The following TRIM2 variants were observed in gnomAD, a reference collection of about 807,000 sequenced individuals.
The protein encoded by TRIM2 is tripartite motif-containing protein 2.
Under a neutral mutation model 75.2 loss-of-function variants are expected in TRIM2, and 20 were observed. The observed-to-expected ratio is 0.27, with a 90% CI of 0.19 to 0.39. The LOEUF (loss-of-function observed/expected upper bound fraction) is 0.39. Ranked by LOEUF, TRIM2 falls within the 10% of genes least tolerant of loss-of-function variation. The probability of loss-of-function intolerance (pLI) is 1.00; values close to 1 mark genes in which losing one functional copy is unlikely to be tolerated. For missense variants in TRIM2, 660 were observed against 990.8 expected (o/e 0.67, Z 4.48); for synonymous variants, 373 against 388.3 (o/e 0.96, Z 0.46).
chr4:153,158,666 C>G (rs781176156), intron 1 of TRIM2, among the ~76,000 whole-genome samples: 4 of 152,194 alleles, frequency 2.6e-5, no homozygotes, highest in Non-Finnish European at 5.9e-5. Flanking sequence ...GAGTGCTAGA[C>G]TGGCTAATCA....
chr4:153,308,884 A>G (rs1765618628), intron 6 of TRIM2, among the ~76,000 whole-genome samples: 1 of 152,028 alleles, frequency 6.6e-6, no homozygotes, highest in South Asian at 2.1e-4. Flanking sequence ...TTTCCTCCCT[A>G]AAATATATGA....
At chr4:153,288,306 G>A (rs545995908) in intron 3 of TRIM2, among the ~76,000 whole-genome samples, 34 of 151,964 alleles carry the variant, frequency 2.2e-4, no homozygotes, top group African/African-American at 6.8e-4. Context: ...GGATGGTGGC[G>A]CGCACCTGTA....
At chr4:153,333,529 C>CCTTTCT (rs1771959992) in intron 11 of TRIM2, among the ~76,000 whole-genome samples, 1 of 152,124 alleles carries the variant, frequency 6.6e-6, no homozygotes, top group Admixed American at 6.5e-5. Flanking sequence ...GTACACAGGA[C>CCTTTCT]CTTTCTCTAC....
At position 153,312,319 on chromosome 4, in the gene TRIM2, G is replaced by A. The variant is rs1236259345; in HGVS notation, c.1511-3166G>A. Among the ~76,000 whole-genome samples, 4 of 151,942 alleles carry A rather than the reference G, an allele frequency of 2.6e-5. 1 individual carries two copies. Among genetic ancestry groups the A allele is most frequent in the African/African-American group, 9.7e-5 (4 of 41,276 alleles). On this transcript the variant is annotated intron_variant, in intron 6 of 11. Coordinates refer to ENST00000338700, the MANE Select transcript of TRIM2 (RefSeq NM_015271.5). ...TTTCTTAATCCAGTCTATCATTGTT[G>A]GACATTTGGGTTGGTTCCAATTCTT... is the stretch of plus-strand genomic sequence containing the variant.
At chr4:153,152,866 A>T (rs941622994), upstream of TRIM2, among the ~76,000 whole-genome samples, 1 of 152,186 alleles carries the variant, frequency 6.6e-6, no homozygotes, top group Admixed American at 6.5e-5. Context: ...TGGGAAAAGG[A>T]TCCGATTTCT....
rs369975671 is a variant in TRIM2, at chr4:153,244,190, T to C, written c.31-26145T>C. Among the ~76,000 whole-genome samples, 9 of 147,994 alleles carry C rather than the reference T, an allele frequency of 6.1e-5. No homozygotes were observed. In the South Asian group the frequency reaches 1.1e-3, roughly 18 times the overall value. ...CTTCTTCTTCTTCTTCTCCTCCTTCTTCTTCTCCTCCTTTTCCTTCTCCTT... is the reference window on the plus strand; with the variant it reads ...CTTCTTCTTCTTCTTCTCCTCCTTCCTCTTCTCCTCCTTTTCCTTCTCCTT... On this transcript the variant is annotated intron_variant, in intron 1 of 11. Coordinates refer to ENST00000338700, the MANE Select transcript of TRIM2 (RefSeq NM_015271.5).
intron 6 of TRIM2, among the ~76,000 whole-genome samples, chr4:153,307,633 T>C (rs1482453720): frequency 1.3e-5 from 2 of 151,850 alleles, no homozygotes; most frequent in Non-Finnish European, 2.9e-5. Flanking sequence ...TAAAATGAGG[T>C]TGGGGGCAAT....
chr4:153,203,394 TACACACACACACACACAC>T (rs35049904), upstream of TRIM2, among the ~76,000 whole-genome samples: 2 of 141,292 alleles, frequency 1.4e-5, no homozygotes, highest in African/African-American at 5.2e-5. Flanking sequence ...CCCACATCTC[TACACACACACACACACAC>T]ACACACACAC....
chr4:153,303,301 TA>T lies in TRIM2; in HGVS notation c.1510+7277del, dbSNP rs879307633. Reference sequence around the variant, plus strand: ...CAACATGGTGAAGCCCCATCTCTACTAAAAAAAAAAAATATATAAAAATCAG... The same window carrying T: ...CAACATGGTGAAGCCCCATCTCTACTAAAAAAAAAAATATATAAAAATCAG... On this transcript the variant is annotated intron_variant, in intron 6 of 11. Coordinates refer to ENST00000338700, the MANE Select transcript of TRIM2 (RefSeq NM_015271.5). Among the ~76,000 whole-genome samples the T allele has an allele frequency of 1.2e-3, 157 of 125,634 alleles. 2 individuals are homozygous for T. Among genetic ancestry groups the T allele is most frequent in the South Asian group, 9.4e-3 (32 of 3,418 alleles). The allele number at this position is 125,634 out of a possible 152,430, so 82.4% of individuals were successfully genotyped here.
chr4:153,233,038 T>C (rs1412245592), intron 1 of TRIM2, among the ~76,000 whole-genome samples: 18 of 152,330 alleles, frequency 1.2e-4, no homozygotes, highest in East Asian at 5.8e-4. Context: ...ATTCCAGCAG[T>C]CATCTAATCA....
At position 153,295,124 on chromosome 4, in the gene TRIM2, C is replaced by T. The variant is rs1034651526; in HGVS notation, c.787-189C>T. ...AGAGGGCGAGGCGGAAGGGAAACCT[C>T]GAAAAGGTACTGGGAATGCAGTTTA... On this transcript the variant is annotated intron_variant, in intron 5 of 11. Transcript: ENST00000338700. This position sits in a 1 kb window ranked among gnomAD's most constrained non-coding sequence, Gnocchi z 7.2. 3.9e-5 allele frequency among the ~76,000 whole-genome samples: 6 copies of T among 152,236 alleles called. No homozygotes were observed. Among genetic ancestry groups the T allele is most frequent in the East Asian group, 1.9e-4 (1 of 5,204 alleles).
In TRIM2 at chr4:153,270,346, A is replaced by G. The variant is rs777614796; in HGVS notation, c.42A>G (p.Ala14=). ...TTTCTGTCTGACAGCAGCAGCGTGC[A>G]GGGTCAAAGACAGCCGGCCCCCCAT... The part of the protein sequence containing the change: ...SGRYGTQQQR[A]GSKTAGPPCQ... Residue 14 remains alanine (A), a synonymous_variant, in exon 2 of 12, where the codon GCA becomes GCG. Transcript: ENST00000338700. 44 of 1,611,834 alleles carry G rather than the reference A, an allele frequency of 2.7e-5. No individual in the cohort carries two copies. The highest frequency in any genetic ancestry group is 3.6e-5 in the Non-Finnish European group (43 of 1,179,014).
intron 1 of TRIM2, among the ~76,000 whole-genome samples, chr4:153,180,096 T>C (rs1731898286): frequency 6.6e-6 from 1 of 152,134 alleles, no homozygotes; most frequent in South Asian, 2.1e-4. Context: ...GTGAATGAAA[T>C]GTATTTGCTT....
At chr4:153,279,708 C>T (rs751271211) in intron 3 of TRIM2, among the ~76,000 whole-genome samples, 2 of 151,962 alleles carry the variant, frequency 1.3e-5, no homozygotes, top group Non-Finnish European at 2.9e-5. Context: ...TTTGGGAGGC[C>T]GAGACAGGTG....
intron 1 of TRIM2, among the ~76,000 whole-genome samples, chr4:153,236,985 C>T (rs1026187771): frequency 5.3e-5 from 8 of 152,176 alleles, no homozygotes; most frequent in South Asian, 2.1e-4. Context: ...TGAGCCACCT[C>T]GCACAGCCAG....
chr4:153,171,305 G>A (rs954944465), intron 1 of TRIM2, among the ~76,000 whole-genome samples: 25 of 152,308 alleles, frequency 1.6e-4, no homozygotes, highest in African/African-American at 6.0e-4. Context: ...ATGAATTGGG[G>A]CTAGACGTGG....
At chr4:153,283,468 G>C (rs1240737938) in intron 3 of TRIM2, among the ~76,000 whole-genome samples, 1 of 152,082 alleles carries the variant, frequency 6.6e-6, no homozygotes, top group Non-Finnish European at 1.5e-5. Flanking sequence ...ATGGACATTT[G>C]AGTTGTTTCC....
At position 153,184,179 on chromosome 4, in the gene TRIM2, A is replaced by G. The variant is rs144784351; in HGVS notation, c.-49+30909A>G. The stretch of plus-strand genomic sequence containing the variant: ...GGGCTGCCATAGCAAAATACCATGG[A>G]CTGGGTGTCTTCAACAACAGAAATT... On this transcript the variant is annotated intron_variant, in intron 1 of 11. Coordinates refer to the TRIM2 transcript ENST00000437508. Among the ~76,000 whole-genome samples, 896 of 152,214 alleles carry G rather than the reference A, an allele frequency of 5.9e-3. 10 individuals carry two copies. The highest frequency in any genetic ancestry group is 0.018 in the African/African-American group (763 of 41,536).
chr4:153,300,068 G>A (rs1055753832), intron 6 of TRIM2, among the ~76,000 whole-genome samples: 4 of 152,086 alleles, frequency 2.6e-5, no homozygotes, highest in Non-Finnish European at 4.4e-5. Context: ...ATTTCTTTGC[G>A]GCACCGAAAA....
Sources: gnomAD v4.1 joint callset for allele counts (sites outside exome capture counted in the v4.1 genomes callset) on GRCh38, gnomAD v4.1.1 for gene constraint, Gnocchi (gnomAD v3.1) non-coding constraint, MANE v1.5 for transcripts, NCBI Gene and HGNC (gene_info 2026-07-23, HGNC 2026-07-21) for gene names.